Variants in MED12L observed in about 807,000 individuals in gnomAD.
MED12L encodes the protein mediator complex subunit 12L, also known as mediator of RNA polymerase II transcription subunit 12-like protein.
MED12L carries 60 observed loss-of-function variants against 281.3 expected under a neutral mutation model. The observed-to-expected ratio is 0.21, with a 90% CI of 0.17 to 0.26. The LOEUF (loss-of-function observed/expected upper bound fraction) is 0.26. Among genes scored for constraint, MED12L ranks in the 10% least tolerant of loss-of-function variants. The probability of loss-of-function intolerance (pLI) is 1.00; values close to 1 mark genes in which losing one functional copy is unlikely to be tolerated. For missense variants in MED12L, 2,146 were observed against 2,680.9 expected, an observed-to-expected ratio of 0.80 and a Z score of 4.41; for synonymous variants, 974 against 987.2, an observed-to-expected ratio of 0.99 and a Z score of 0.25.
chr3:151,193,894 A>G (rs900143095), intron 16 of MED12L: 1 of 442,852 alleles, frequency 2.3e-6, no homozygotes, highest in Non-Finnish European at 4.0e-6. Context: ...GAAATTTTCT[A>G]TGTTAGTATC....
At position 151,248,400 on chromosome 3, in the gene MED12L, A is replaced by T. The variant is rs567678060; in HGVS notation, c.2250+54734A>T. 1.1e-3 allele frequency among the ~76,000 whole-genome samples: 160 copies of T among 152,186 alleles called. 2 individuals are homozygous for T. The highest frequency in any genetic ancestry group is 3.6e-3 in the African/African-American group (148 of 41,532). On this transcript the variant is annotated intron_variant, in intron 16 of 44. Transcript: ENST00000687756. ...TCACCTTTGGTTTCATTATTTGTAG[A>T]GTTTTAGCATTTTGTGCTTTTAAAC...
chr3:151,210,575 C>A (rs1406611659), intron 16 of MED12L, among the ~76,000 whole-genome samples: 1 of 152,164 alleles, frequency 6.6e-6, no homozygotes, highest in East Asian at 1.9e-4. Context: ...GTAGTTGAAT[C>A]ACTTATGCAT....
At chr3:151,127,173 G>A (rs945778308) in intron 4 of MED12L, among the ~76,000 whole-genome samples, 3 of 152,144 alleles carry the variant, frequency 2.0e-5, no homozygotes, top group African/African-American at 7.2e-5. Flanking sequence ...TTGCTAAATA[G>A]TACCTTTGTG....
At chr3:151,359,548 AG>A (rs1475315204) in intron 20 of MED12L, among the ~76,000 whole-genome samples, 1 of 152,088 alleles carries the variant, frequency 6.6e-6, no homozygotes, top group African/African-American at 2.4e-5. Flanking sequence ...AATAGTACAG[AG>A]GAGTTTGATC....
chr3:151,258,272 T>C lies in MED12L; in HGVS notation c.2250+64606T>C, dbSNP rs184120464. On this transcript the variant is annotated intron_variant, in intron 16 of 44. Coordinates refer to ENST00000687756, the MANE Select transcript of MED12L (RefSeq NM_001393769.1). ...TACTCTTGACCCTCACAATTGTTGC[T>C]TTCTAATATAATTTCACTAGTTCTT... Among the ~76,000 whole-genome samples the C allele has an allele frequency of 3.9e-3, 599 of 152,362 alleles. 5 individuals carry two copies. The highest frequency in any genetic ancestry group is 0.014 in the African/African-American group (582 of 41,588).
At chr3:151,361,936 A>G (rs370602760) in intron 21 of MED12L, among the ~76,000 whole-genome samples, 7 of 152,088 alleles carry the variant, frequency 4.6e-5, no homozygotes, top group Admixed American at 6.6e-5. Flanking sequence ...TTTGAGGACA[A>G]TTATTTACTA....
chr3:151,229,451 C>G (rs1284642447), intron 16 of MED12L, among the ~76,000 whole-genome samples: 1 of 148,948 alleles, frequency 6.7e-6, no homozygotes, highest in African/African-American at 2.5e-5. Context: ...GGACTACAGG[C>G]TCGTGCCACC....
Position 151,393,507 on chromosome 3 carries a change from C to G in MED12L, c.5609-1149C>G, listed in dbSNP as rs182251856. On this transcript the variant is annotated intron_variant, in intron 38 of 44. Coordinates refer to ENST00000687756, the MANE Select transcript of MED12L (RefSeq NM_001393769.1). ...CTAGTTCTGTCCTGCTCCCCCACAACCCCCCCTCCCACCGTAAAGATAAGC... is the reference window on the plus strand; with the variant it reads ...CTAGTTCTGTCCTGCTCCCCCACAAGCCCCCCTCCCACCGTAAAGATAAGC... 1.5e-3 allele frequency among the ~76,000 whole-genome samples: 213 copies of G among 145,146 alleles called. 2 individuals carry two copies. Among genetic ancestry groups the G allele is most frequent in the African/African-American group, 5.2e-3 (205 of 39,298 alleles).
At chr3:151,234,775 G>T (rs1732389186) in intron 16 of MED12L, among the ~76,000 whole-genome samples, 1 of 152,140 alleles carries the variant, frequency 6.6e-6, no homozygotes, top group Admixed American at 6.5e-5. Context: ...GAGAAGCCTG[G>T]CATAAGTGAT....
chr3:151,301,791 A>G (rs1282729160), intron 16 of MED12L, among the ~76,000 whole-genome samples: 5 of 152,208 alleles, frequency 3.3e-5, no homozygotes, highest in Non-Finnish European at 7.3e-5. Flanking sequence ...CCCCTTATAC[A>G]CTGATGATAA....
chr3:151,206,014 A>C (rs1466510519), intron 16 of MED12L, among the ~76,000 whole-genome samples: 1 of 151,662 alleles, frequency 6.6e-6, no homozygotes, highest in African/African-American at 2.4e-5. Flanking sequence ...GTGCAACTCC[A>C]GTTCAGCCCT....
chr3:151,303,130 A>G (rs1746160482), intron 16 of MED12L, among the ~76,000 whole-genome samples: 1 of 152,170 alleles, frequency 6.6e-6, no homozygotes, highest in Non-Finnish European at 1.5e-5. Context: ...TATATGACAA[A>G]ATATGAGGCA....
intron 16 of MED12L, among the ~76,000 whole-genome samples, chr3:151,288,964 C>G (rs1024168210): frequency 6.6e-6 from 1 of 152,154 alleles, no homozygotes; most frequent in Admixed American, 6.5e-5. Context: ...GCACAGGTGG[C>G]AGCAAAGTGT....
intron 11 of MED12L, among the ~76,000 whole-genome samples, chr3:151,184,561 C>T (rs773674459): frequency 6.6e-6 from 1 of 152,126 alleles, no homozygotes; most frequent in Non-Finnish European, 1.5e-5. Flanking sequence ...ACGGAAGTAC[C>T]ATCTCCCCGC....
intron 16 of MED12L, among the ~76,000 whole-genome samples, chr3:151,255,127 A>G (rs1436278402): frequency 6.6e-6 from 1 of 152,200 alleles, no homozygotes; most frequent in Non-Finnish European, 1.5e-5. Flanking sequence ...ACAAATAGGC[A>G]GGCTGAAGAT....
At chr3:151,337,964 A>G in intron 16 of MED12L, 1 of 1,614,148 alleles carries the variant, frequency 6.2e-7, no homozygotes, top group Non-Finnish European at 8.5e-7. Context: ...AGATGAACGG[A>G]TCCAGGCATG....
At chr3:151,366,970 G>A (rs1404347421) in intron 23 of MED12L, among the ~76,000 whole-genome samples, 2 of 152,054 alleles carry the variant, frequency 1.3e-5, no homozygotes, top group Non-Finnish European at 2.9e-5. Context: ...GGTGATTTTT[G>A]CAAGTTAACC....
chr3:151,185,133 A>G (rs1162301120), intron 11 of MED12L, among the ~76,000 whole-genome samples, 197 bp from the exon 12 acceptor site: 2 of 152,234 alleles, frequency 1.3e-5, no homozygotes, highest in African/African-American at 4.8e-5. Context: ...CAGATTCAGC[A>G]TAAGTGATTT....
At chr3:151,245,598 T>G (rs1280766370) in intron 16 of MED12L, among the ~76,000 whole-genome samples, 1,328 of 106,364 alleles carry the variant, frequency 0.012, no homozygotes, top group African/African-American at 0.037. Flanking sequence ...CTCAATAAAT[T>G]AGGTATTGAT....
Sources: gnomAD v4.1 joint callset for allele counts (sites outside exome capture counted in the v4.1 genomes callset) on GRCh38, gnomAD v4.1.1 for gene constraint, MANE v1.5 for transcripts, NCBI Gene and HGNC (gene_info 2026-07-23, HGNC 2026-07-21) for gene names.